PHLPP1: variants seen among roughly 807,000 people sequenced by gnomAD.
PHLPP1 encodes the protein PH domain and leucine rich repeat protein phosphatase 1, also known as PH domain leucine-rich repeat-containing protein phosphatase 1.
Under a neutral mutation model 117.2 loss-of-function variants are expected in PHLPP1, and 42 were observed. The observed-to-expected ratio is 0.36, with a 90% CI of 0.28 to 0.46. PHLPP1 has a LOEUF of 0.46. Among genes scored for constraint, PHLPP1 ranks in the 20% least tolerant of loss-of-function variants. The pLI is 1.00. For synonymous variants in PHLPP1, 1,042 were observed against 970.7 expected (o/e 1.07, Z -1.37); for missense variants, 2,084 against 2,241.9 (o/e 0.93, Z 1.42).
chr18:62,758,781 C>CA lies in PHLPP1; in HGVS notation c.1576+41529dup, dbSNP rs1225265934. On this transcript the variant is annotated intron_variant, in intron 1 of 16. Transcript: ENST00000262719. Reference sequence around the variant, plus strand: ...TGAAACAAAACAAAACAAAACAAAACAAAAAAACGATCTTTCCACCTCTTT... The same window carrying CA: ...TGAAACAAAACAAAACAAAACAAAACAAAAAAAACGATCTTTCCACCTCTTT... Among the ~76,000 whole-genome samples, 7 of 151,982 alleles carry CA rather than the reference C, an allele frequency of 4.6e-5. No individual in the cohort carries two copies. The East Asian group carries it at 5.8e-4, about 13-fold the overall frequency.
chr18:62,967,828 CTT>C (rs749907367), intron 14 of PHLPP1, among the ~76,000 whole-genome samples: 21 of 132,430 alleles, frequency 1.6e-4, no homozygotes, highest in Admixed American at 3.0e-4. Flanking sequence ...GTATATTTTT[CTT>C]TTTTTTTTTT....
chr18:62,761,006 C>T (rs1294746133), intron 1 of PHLPP1, among the ~76,000 whole-genome samples: 1 of 151,970 alleles, frequency 6.6e-6, no homozygotes, highest in Non-Finnish European at 1.5e-5. Context: ...ACTACAGGCA[C>T]CTGCCACCAC....
At chr18:62,733,938 C>A (rs1911296347) in intron 1 of PHLPP1, among the ~76,000 whole-genome samples, 1 of 152,174 alleles carries the variant, frequency 6.6e-6, no homozygotes, top group Non-Finnish European at 1.5e-5. Flanking sequence ...GGCATCTGGG[C>A]CTTTTTATCA....
At chr18:62,776,349 G>GT (rs1268198874) in intron 1 of PHLPP1, among the ~76,000 whole-genome samples, 2 of 152,170 alleles carry the variant, frequency 1.3e-5, no homozygotes, top group African/African-American at 2.4e-5. Flanking sequence ...TGGGAAATCT[G>GT]TTTTTTGTTC....
At chr18:62,876,331 A>G (rs1199058869) in intron 4 of PHLPP1, among the ~76,000 whole-genome samples, 1 of 152,192 alleles carries the variant, frequency 6.6e-6, no homozygotes, top group African/African-American at 2.4e-5. Flanking sequence ...CACCTGCCGA[A>G]CCCAGGCTCA....
chr18:62,825,976 T>C (rs1914602929), intron 1 of PHLPP1, among the ~76,000 whole-genome samples: 1 of 152,216 alleles, frequency 6.6e-6, no homozygotes, highest in Admixed American at 6.5e-5. Context: ...TAAGAATAAA[T>C]TCGGCTATAG....
chr18:62,836,484 T>A (rs370648614), intron 2 of PHLPP1, among the ~76,000 whole-genome samples: 47 of 108,450 alleles, frequency 4.3e-4, no homozygotes, highest in East Asian at 1.3e-3. Flanking sequence ...AATAAATAAA[T>A]AAAAATAAAT....
At position 62,769,219 on chromosome 18, in the gene PHLPP1, T is replaced by C. The variant is rs1912667911; in HGVS notation, c.1576+51960T>C. Among the ~76,000 whole-genome samples the C allele has an allele frequency of 1.3e-5, 2 of 152,168 alleles. 1 individual carries two copies. Among genetic ancestry groups the C allele is most frequent in the South Asian group, 4.1e-4 (2 of 4,832 alleles). ...TGTAGATCAGAAATATATTTGAATT[T>C]TAGTGGAACATTAGATGTAAATCTT... On this transcript the variant is annotated intron_variant, in intron 1 of 16. Transcript: ENST00000262719.
At chr18:62,830,286 G>A (rs1458529690) in intron 2 of PHLPP1, 55 bp downstream of exon 2, 58 of 1,457,438 alleles carry the variant, frequency 4.0e-5, no homozygotes, top group Non-Finnish European at 5.1e-5. Flanking sequence ...TGTCACCCAG[G>A]CTCAAGTGTA....
At chr18:62,733,248 C>T (rs1345049471) in intron 1 of PHLPP1, among the ~76,000 whole-genome samples, 1 of 152,190 alleles carries the variant, frequency 6.6e-6, no homozygotes, top group Non-Finnish European at 1.5e-5. Context: ...CCACCTGAAT[C>T]AGTCAGCAGC....
At chr18:62,772,133 T>G (rs1912803292) in intron 1 of PHLPP1, among the ~76,000 whole-genome samples, 1 of 152,164 alleles carries the variant, frequency 6.6e-6, no homozygotes, top group Non-Finnish European at 1.5e-5. Flanking sequence ...GGGCAGAAAA[T>G]GAAAAATTCT....
intron 3 of PHLPP1, among the ~76,000 whole-genome samples, chr18:62,859,470 AC>A (rs1915577824): frequency 6.6e-6 from 1 of 152,244 alleles, no homozygotes; most frequent in Non-Finnish European, 1.5e-5. Flanking sequence ...TAAAATACTT[AC>A]ATGAAGCAAA....
intron 10 of PHLPP1, among the ~76,000 whole-genome samples, chr18:62,929,925 C>G (rs1172480004): frequency 1.3e-5 from 2 of 151,948 alleles, no homozygotes; most frequent in East Asian, 1.9e-4. Flanking sequence ...CCACTGCACT[C>G]TAGCCTGAGT....
chr18:62,977,764 T>C (rs957835841), intron 16 of PHLPP1, among the ~76,000 whole-genome samples: 47 of 152,218 alleles, frequency 3.1e-4, no homozygotes, highest in African/African-American at 1.1e-3. Flanking sequence ...TGTCTTGATA[T>C]ATGCCTGCGT....
At chr18:62,927,091 T>A (rs1230705870) in intron 10 of PHLPP1, among the ~76,000 whole-genome samples, 2 of 151,966 alleles carry the variant, frequency 1.3e-5, no homozygotes, top group Admixed American at 6.6e-5. Flanking sequence ...AAATTGGCAA[T>A]TGGATTGGTA....
chr18:62,754,726 A>G (rs114297442), intron 1 of PHLPP1, among the ~76,000 whole-genome samples: 57 of 152,358 alleles, frequency 3.7e-4, no homozygotes, highest in African/African-American at 9.9e-4. Flanking sequence ...AAGGGTAACA[A>G]TGATATATAC....
intron 1 of PHLPP1, among the ~76,000 whole-genome samples, chr18:62,724,285 C>G (rs1441174049): frequency 1.3e-5 from 2 of 152,188 alleles, no homozygotes; most frequent in African/African-American, 2.4e-5. Flanking sequence ...ACTCTAATAA[C>G]TGTATTAGAG....
intron 15 of PHLPP1, among the ~76,000 whole-genome samples, chr18:62,974,072 C>T (rs1351375576): frequency 6.6e-6 from 1 of 152,188 alleles, no homozygotes; most frequent in Non-Finnish European, 1.5e-5. Context: ...CCCTTCACAA[C>T]CCCCAAAAGG....
intron 1 of PHLPP1, among the ~76,000 whole-genome samples, chr18:62,789,828 T>C (rs1907475066): frequency 6.6e-6 from 1 of 152,246 alleles, no homozygotes; most frequent in South Asian, 2.1e-4. Flanking sequence ...TATATGCATA[T>C]TCATCTACAT....
Sources: allele counts gnomAD v4.1 joint callset (sites outside exome capture counted in the v4.1 genomes callset), GRCh38; gene constraint gnomAD v4.1.1; transcripts MANE v1.5; gene names NCBI Gene and HGNC (gene_info 2026-07-23, HGNC 2026-07-21).